Variants in DNAH6 observed in about 807,000 individuals in gnomAD.
DNAH6 encodes dynein axonemal heavy chain 6, also known as axonemal beta dynein heavy chain 6.
DNAH6 carries 340 observed loss-of-function variants against 491.4 expected under a neutral mutation model. The ratio of observed to expected loss-of-function variants is 0.69; its 90% CI spans 0.63 to 0.76. The LOEUF is 0.76. Ranked by LOEUF, DNAH6 falls within the 30% of genes least tolerant of loss-of-function variation. DNAH6 has a pLI of 0.00. For missense variants in DNAH6, 4,443 were observed against 4,972.2 expected (o/e 0.89, Z 3.20); for synonymous variants, 1,603 against 1,686.1 (o/e 0.95, Z 1.21).
rs946140303 is a variant in DNAH6, at chr2:84,517,836, C to A, written c.10C>A (p.Arg4=). MTF[R]ATDSEFDLTN... is the part of the protein sequence containing the mutation. ...CTTTTCAGGAGTAAGGATGACTTTTCGGGCCACAGATAGTGAATTTGACCT... is the reference window on the plus strand; with the variant it reads ...CTTTTCAGGAGTAAGGATGACTTTTAGGGCCACAGATAGTGAATTTGACCT... The change falls in exon 2 of 77, where the codon CGG becomes AGG. Residue 4 remains arginine, a synonymous_variant. Coordinates refer to ENST00000389394, the MANE Select transcript of DNAH6 (RefSeq NM_001370.2). The A allele has an allele frequency of 1.9e-6, 3 of 1,550,424 alleles. No homozygotes were observed. In the Admixed American group the frequency reaches 5.9e-5, roughly 30 times the overall value.
At chr2:84,599,748 A>G (rs914934282) in intron 18 of DNAH6, among the ~76,000 whole-genome samples, 1 of 151,874 alleles carries the variant, frequency 6.6e-6, no homozygotes, top group Non-Finnish European at 1.5e-5. Flanking sequence ...TCAATACTAC[A>G]CTTTCTTAAT....
Position 84,677,041 on chromosome 2 carries a change from G to T in DNAH6, c.6649G>T (p.Gly2217Cys). The change falls in exon 41 of 77, where the codon GGT (glycine) becomes TGT (cysteine). Residue 2217 changes from glycine (G) to cysteine (C), a missense_variant. This residue lies in a region of DNAH6 where 2,977 missense variants were observed against 3,296.6 expected (regional missense o/e 0.90). Coordinates refer to ENST00000389394, the MANE Select transcript of DNAH6 (RefSeq NM_001370.2). ...CATATCGGCATGTGCACCTCCAGGC[G>T]GTGGCCGCAACCCTGTGACTCCCCG... The part of the protein sequence containing the change: ...TIISACAPPG[G>C]GRNPVTPRFI... The T allele has an allele frequency of 6.4e-7, 1 of 1,551,722 alleles. No homozygotes were observed. The highest frequency in any genetic ancestry group is 8.7e-7 in the Non-Finnish European group (1 of 1,146,978).
chr2:84,742,901 T>C (rs1345340885), intron 62 of DNAH6, among the ~76,000 whole-genome samples: 1 of 152,220 alleles, frequency 6.6e-6, no homozygotes, highest in Non-Finnish European at 1.5e-5. Context: ...TCTAAGATCC[T>C]AATAGATTTA....
At chr2:84,805,862 T>C (rs1421739205) in intron 71 of DNAH6, 68 bp downstream of exon 71, 1 of 1,404,990 alleles carries the variant, frequency 7.1e-7, no homozygotes, top group Non-Finnish European at 9.5e-7. Context: ...AACTGAGTGA[T>C]AAACAGGTGT....
chr2:84,693,914 A>G lies in DNAH6; in HGVS notation c.7293-335A>G, dbSNP rs146481064. On this transcript the variant is annotated intron_variant, in intron 45 of 76. Coordinates refer to ENST00000389394, the MANE Select transcript of DNAH6 (RefSeq NM_001370.2). ...TTCTTATAAATGGAAACCTGGGCTT[A>G]GCAATTGACAATATAAGTTGTGGCC... is the stretch of plus-strand genomic sequence containing the variant. Among the ~76,000 whole-genome samples, 9 of 152,322 alleles carry G rather than the reference A, an allele frequency of 5.9e-5. No homozygotes were observed. In the East Asian group the frequency reaches 1.5e-3, roughly 26 times the overall value.
intron 64 of DNAH6, chr2:84,777,687 A>T (rs1456922599): frequency 6.5e-5 from 53 of 815,094 alleles, no homozygotes; most frequent in Non-Finnish European, 1.0e-4. Context: ...CCAAGGACCT[A>T]CCCATGACAG....
intron 18 of DNAH6, among the ~76,000 whole-genome samples, chr2:84,598,196 C>CT (rs1204605374): frequency 2.9e-5 from 3 of 103,848 alleles, no homozygotes; most frequent in Admixed American, 2.1e-4. Context: ...TCTTTTCTTT[C>CT]TTTCTTTCTT....
At chr2:84,758,509 A>C (rs1300523110) in intron 63 of DNAH6, among the ~76,000 whole-genome samples, 1 of 152,144 alleles carries the variant, frequency 6.6e-6, no homozygotes, top group Non-Finnish European at 1.5e-5. Context: ...ATAAATATAG[A>C]CTCAAAAATC....
At position 84,577,241 on chromosome 2, in the gene DNAH6, G is replaced by A; in HGVS notation, c.1925-16G>A. ...ATATGGTATATTTTATGCTTTATGT[G>A]AATTTTTTTATGTAGATATTAACTT... On this transcript the variant is annotated splice_polypyrimidine_tract_variant and intron_variant, in intron 12 of 76. Coordinates refer to ENST00000389394, the MANE Select transcript of DNAH6 (RefSeq NM_001370.2). 1 of 1,514,490 alleles carries A rather than the reference G, an allele frequency of 6.6e-7. No homozygotes were observed. Among genetic ancestry groups the A allele is most frequent in the Non-Finnish European group, 8.9e-7 (1 of 1,124,192 alleles). 93.8% of individuals were successfully genotyped at this position (1,514,490 alleles called of 1,614,324 possible). A position where few individuals can be genotyped will look rare whatever the true frequency, so the allele number is the denominator to read the frequency against.
rs1678552148 is a variant in DNAH6, at chr2:84,544,252, A to G, written c.682A>G (p.Ile228Val). Residue 228 changes from isoleucine to valine, a missense_variant, in exon 5 of 77, where the codon ATC becomes GTC. Around this residue, in one of 3 missense-constraint regions of DNAH6, gnomAD observed 2,977 missense variants for 3,296.6 expected, o/e 0.90. Coordinates refer to ENST00000389394, the MANE Select transcript of DNAH6 (RefSeq NM_001370.2). ...TTATAGAGTTGTAAGTTATGAGAAC[A>G]TCAATAAAAATGACTACTATACTAT... is the stretch of plus-strand genomic sequence containing the variant. ...YNLKVVSYEN[I>V]NKNDYYTISQ... 5 of 1,472,744 alleles carry G rather than the reference A, an allele frequency of 3.4e-6. No homozygotes were observed. The South Asian group carries it at 6.3e-5, about 19-fold the overall frequency. The allele number at this position is 1,472,744 out of a possible 1,614,324, so 91.2% of individuals were successfully genotyped here.
chr2:84,645,303 C>T (rs1689788819), intron 33 of DNAH6, among the ~76,000 whole-genome samples: 1 of 152,168 alleles, frequency 6.6e-6, no homozygotes, highest in African/African-American at 2.4e-5. Context: ...CCTGTAATCC[C>T]AGCTACTTGG....
chr2:84,712,016 A>AG (rs1697091457), intron 56 of DNAH6, among the ~76,000 whole-genome samples: 2 of 152,176 alleles, frequency 1.3e-5, no homozygotes, highest in South Asian at 4.2e-4. Flanking sequence ...CTCTTGGGAG[A>AG]GGGGGTGGGC....
intron 4 of DNAH6, among the ~76,000 whole-genome samples, chr2:84,530,251 T>C (rs1364107519): frequency 6.6e-6 from 1 of 151,966 alleles, no homozygotes; most frequent in African/African-American, 2.4e-5. Context: ...AGGAAAAAAA[T>C]AGAGGCAAAG....
intron 64 of DNAH6, among the ~76,000 whole-genome samples, chr2:84,763,714 ATGTGTGTGTGTGTGTGTGTGTGTG>A (rs70953906): frequency 7.9e-5 from 10 of 126,824 alleles, no homozygotes; most frequent in East Asian, 2.5e-4. Flanking sequence ...AACTGATAGG[ATGTGTGTGTGTGTGTGTGTGTGTG>A]TGTGTGTGTG....
intron 37 of DNAH6, among the ~76,000 whole-genome samples, chr2:84,660,191 GA>G (rs1053365287): frequency 2.2e-4 from 33 of 151,982 alleles, no homozygotes; most frequent in African/African-American, 8.0e-4. Flanking sequence ...CTGGATCAGG[GA>G]AAATACAAAA....
At chr2:84,721,019 G>T (rs1182846749) in intron 59 of DNAH6, among the ~76,000 whole-genome samples, 1 of 152,160 alleles carries the variant, frequency 6.6e-6, no homozygotes, top group African/African-American at 2.4e-5. Context: ...ATAAAAATAT[G>T]TCTCATATTC....
At chr2:84,708,648 GAGAA>G (rs796077295) in intron 54 of DNAH6, among the ~76,000 whole-genome samples, 30 of 151,968 alleles carry the variant, frequency 2.0e-4, no homozygotes, top group South Asian at 4.2e-4. Context: ...GAAAGAAAGA[GAGAA>G]AGAAAGAAAG....
Position 84,634,641 on chromosome 2 carries a change from G to A in DNAH6, c.4653G>A (p.Lys1551=), listed in dbSNP as rs1688710970. Residue 1551 remains lysine, a splice_region_variant and synonymous_variant, in exon 30 of 77, where the codon AAG becomes AAA. Coordinates refer to ENST00000389394, the MANE Select transcript of DNAH6 (RefSeq NM_001370.2). ...CCATTAGGAACGCCAAAGCGGCAAA[G>A]GTAAGGCACTGGGCAATCGACTTTC... is the stretch of plus-strand genomic sequence containing the variant. ...LITIRNAKAA[K]LSRFMFEGRE... is the part of the protein sequence containing the mutation. The A allele has an allele frequency of 6.5e-7, 1 of 1,528,754 alleles. No individual in the cohort carries two copies. Among genetic ancestry groups the A allele is most frequent in the Non-Finnish European group, 8.8e-7 (1 of 1,138,480 alleles). The allele number at this position is 1,528,754 out of a possible 1,614,324, so 94.7% of individuals were successfully genotyped here.
In DNAH6 at chr2:84,681,353, C is replaced by G; in HGVS notation, c.6745-4C>G. 1 of 1,536,540 alleles carries G rather than the reference C, an allele frequency of 6.5e-7. No individual in the cohort carries two copies. The highest frequency in any genetic ancestry group is 1.2e-5 in the South Asian group (1 of 80,952). ...ATCCTCTCATATTATGTTTCTGGTT[C>G]TAGGCCATCTTAAATGGTTTCCTGA... On this transcript the variant is annotated splice_region_variant and splice_polypyrimidine_tract_variant and intron_variant, in intron 41 of 76. Coordinates refer to ENST00000389394, the MANE Select transcript of DNAH6 (RefSeq NM_001370.2).
Sources: gnomAD v4.1 joint callset for allele counts (sites outside exome capture counted in the v4.1 genomes callset) on GRCh38, gnomAD v4.1.1 for gene constraint, gnomAD v4.1.1 regional missense constraint, MANE v1.5 for transcripts, NCBI Gene and HGNC (gene_info 2026-07-23, HGNC 2026-07-21) for gene names.